Variants in CENPL observed in about 807,000 individuals in gnomAD.
The protein encoded by CENPL is centromere protein L.
In CENPL, 20 loss-of-function variants were observed where a neutral mutation model predicts 35.2. The observed-to-expected ratio is 0.57, with a 90% confidence interval of 0.40 to 0.83. The LOEUF (loss-of-function observed/expected upper bound fraction) is 0.83. CENPL is among the 40% of genes least tolerant of loss of function. The pLI is 0.00. For synonymous variants in CENPL, 140 were observed against 140.6 expected (o/e 1.00, Z 0.03); for missense variants, 363 against 395.8 (o/e 0.92, Z 0.70).
rs568977576 is a variant in CENPL at position 173,804,251 on chromosome 1, C to T, written c.421-746G>A. Among the ~76,000 whole-genome samples the T allele has an allele frequency of 6.6e-5, 10 of 152,348 alleles. No individual in the cohort carries two copies. The South Asian group carries it at 2.1e-3, about 32-fold the overall frequency. On this transcript the variant is annotated intron_variant, in intron 4 of 5. Coordinates refer to ENST00000682279, the MANE Select transcript of CENPL (RefSeq NM_001387287.1). ...CTACAGTTTCTACCCACTGGTCCTG[C>T]TTTCTTCCTTTTGGGCATGCAGAAT...
chr1:173,815,046 T>C (rs1651220828), intron 2 of CENPL, among the ~76,000 whole-genome samples: 1 of 152,180 alleles, frequency 6.6e-6, no homozygotes, highest in Non-Finnish European at 1.5e-5. Flanking sequence ...CATCAGAGAA[T>C]ACTATAAACA....
chr1:173,807,884 C>T (rs1229785128), intron 3 of CENPL, among the ~76,000 whole-genome samples: 2 of 152,150 alleles, frequency 1.3e-5, no homozygotes, highest in Non-Finnish European at 2.9e-5. Context: ...ACATTATATT[C>T]TTGTCTGCAA....
rs770921269 is a variant in CENPL, at chr1:173,807,328, A to T, written c.359T>A (p.Ile120Asn). 3 of 1,613,542 alleles carry T rather than the reference A, an allele frequency of 1.9e-6. No individual in the cohort carries two copies. Among genetic ancestry groups the T allele is most frequent in the Non-Finnish European group, 2.5e-6 (3 of 1,179,736 alleles). ...EVGEDFNIKV[I>N]FSTLLGMKGT... ...TTTCATTCCTAGGAGAGTAGAAAAA[A>T]TCACTTTGATGTTGAAGTCTTCTCC... The change falls in exon 4 of 6, where the codon ATT becomes AAT. Residue 120 changes from isoleucine to asparagine, a missense_variant. Transcript: ENST00000682279.
rs934383779 is a variant in CENPL, at chr1:173,807,611, A to G, written c.169-93T>C. Reference sequence around the variant, plus strand: ...TTAAAACATCTAATACAAATATATTATTGAGTACCTGATTTTTGCACTCCA... The same window carrying G: ...TTAAAACATCTAATACAAATATATTGTTGAGTACCTGATTTTTGCACTCCA... On this transcript the variant is annotated intron_variant, in intron 3 of 5. Transcript: ENST00000682279. The G allele has an allele frequency of 1.5e-5, 16 of 1,051,146 alleles. No homozygotes were observed. The East Asian group carries it at 1.8e-4, about 12-fold the overall frequency. 65.1% of individuals were successfully genotyped at this position (1,051,146 alleles called of 1,614,324 possible). A position where few individuals can be genotyped will look rare whatever the true frequency, so the allele number is the denominator to read the frequency against.
At chr1:173,800,586 T>A (rs1649652784) in intron 5 of CENPL, 67 bp from the exon 6 acceptor site, 2 of 654,528 alleles carry the variant, frequency 3.1e-6, no homozygotes, top group Non-Finnish European at 5.5e-6. Flanking sequence ...AGCAGATTGA[T>A]ATTTGAATAA....
intron 4 of CENPL, among the ~76,000 whole-genome samples, chr1:173,805,157 T>TC (rs1443838499): frequency 1.3e-5 from 2 of 152,228 alleles, no homozygotes; most frequent in African/African-American, 4.8e-5. Context: ...TCTCTGTGCA[T>TC]CAAGTGCTTC....
chr1:173,805,416 G>GTCA (rs1351545431), intron 4 of CENPL, among the ~76,000 whole-genome samples: 31 of 151,846 alleles, frequency 2.0e-4, no homozygotes, highest in Middle Eastern at 3.4e-3. Flanking sequence ...TTGGGGGGCT[G>GTCA]AGGAGGGAGG....
intron 2 of CENPL, among the ~76,000 whole-genome samples, chr1:173,814,627 G>C (rs915833454): frequency 6.6e-6 from 1 of 152,190 alleles, no homozygotes; most frequent in African/African-American, 2.4e-5. Context: ...GACGTTCTTT[G>C]AAACCAATGA....
chr1:173,817,666 A>G (rs1174049618), intron 2 of CENPL, among the ~76,000 whole-genome samples: 4 of 152,218 alleles, frequency 2.6e-5, no homozygotes, highest in East Asian at 1.9e-4. Context: ...TATATACCCA[A>G]AGGATTATAA....
At chr1:173,817,853 A>G (rs553191938) in intron 2 of CENPL, among the ~76,000 whole-genome samples, 21 of 152,338 alleles carry the variant, frequency 1.4e-4, no homozygotes, top group Non-Finnish European at 3.1e-4. Context: ...TATCCTTTGC[A>G]GGGACATGGA....
At chr1:173,811,949 G>A (rs1348047192) in intron 2 of CENPL, among the ~76,000 whole-genome samples, 1 of 152,212 alleles carries the variant, frequency 6.6e-6, no homozygotes, top group Non-Finnish European at 1.5e-5. Context: ...GGGAAAATGG[G>A]ACACTCCCAC....
chr1:173,816,606 G>A (rs1241989455), intron 2 of CENPL, among the ~76,000 whole-genome samples: 1 of 152,150 alleles, frequency 6.6e-6, no homozygotes, highest in African/African-American at 2.4e-5. Context: ...TTTAATAAAT[G>A]GTGCTGGGAA....
intron 4 of CENPL, 113 bp downstream of exon 4, chr1:173,807,154 C>A (rs1650305588): frequency 1.2e-6 from 1 of 853,538 alleles, no homozygotes; most frequent in Admixed American, 3.3e-5. Context: ...ACACAAACTA[C>A]CTATATATAT....
At chr1:173,814,293 G>C (rs375886356) in intron 2 of CENPL, among the ~76,000 whole-genome samples, 2 of 152,022 alleles carry the variant, frequency 1.3e-5, no homozygotes, top group African/African-American at 4.8e-5. Context: ...AGGTTAACAA[G>C]GATATCCAGG....
rs1649590240 is a variant in CENPL at position 173,799,786 on chromosome 1, T to G, written c.*662A>C. On this transcript the variant is annotated 3_prime_UTR_variant, in exon 6 of 6. Coordinates refer to ENST00000682279, the MANE Select transcript of CENPL (RefSeq NM_001387287.1). ...AGATTAAAGGTTTTAAAGACCCAAA[T>G]CAGAAATATCCATTAGATACATCTC... 1 of 152,232 alleles carries G rather than the reference T, an allele frequency of 6.6e-6. No homozygotes were observed. Among genetic ancestry groups the G allele is most frequent in the Non-Finnish European group, 1.5e-5 (1 of 68,040 alleles). 9.4% of individuals were successfully genotyped at this position (152,232 alleles called of 1,614,324 possible). A position where few individuals can be genotyped will look rare whatever the true frequency, so the allele number is the denominator to read the frequency against.
intron 2 of CENPL, among the ~76,000 whole-genome samples, chr1:173,818,276 T>C (rs1651613408): frequency 6.6e-6 from 1 of 152,160 alleles, no homozygotes; most frequent in African/African-American, 2.4e-5. Flanking sequence ...CTTCCAAAAA[T>C]AGCACTTTAT....
chr1:173,818,983 C>A (rs1235335018), intron 2 of CENPL, among the ~76,000 whole-genome samples: 3 of 152,118 alleles, frequency 2.0e-5, no homozygotes, highest in Non-Finnish European at 1.5e-5. Flanking sequence ...GACTGTAATC[C>A]CAACACTTTG....
rs774310854 is a variant in CENPL at position 173,803,292 on chromosome 1, C to T, written c.634G>A (p.Ala212Thr). 8 of 1,613,394 alleles carry T rather than the reference C, an allele frequency of 5.0e-6. No individual in the cohort carries two copies. In the Admixed American group the frequency reaches 5.0e-5, roughly 10 times the overall value. The change falls in exon 5 of 6, where the codon GCA becomes ACA. Residue 212 changes from alanine (A) to threonine (T), a missense_variant. Transcript: ENST00000682279. Reference protein sequence around the residue: ...KTFDCYFSPLAINAFNLSWMA... With the variant: ...KTFDCYFSPLTINAFNLSWMA... The stretch of plus-strand genomic sequence containing the variant: ...CAGGAAAGATTAAATGCATTGATTG[C>T]TAAAGGACTGAAATAACAGTCAAAG...
At position 173,800,432 on chromosome 1, in the gene CENPL, T is replaced by G. The variant is rs758510452; in HGVS notation, c.*16A>C. ...ATAAGAGTATATAATCTATAACTTA[T>G]AGTCCACATAAGGCTTCACTCAATT... On this transcript the variant is annotated 3_prime_UTR_variant, in exon 6 of 6. Transcript: ENST00000682279. The G allele has an allele frequency of 1.3e-5, 14 of 1,050,456 alleles. No individual in the cohort carries two copies. Among genetic ancestry groups the G allele is most frequent in the Middle Eastern group, 2.1e-4 (1 of 4,874 alleles). 65.1% of individuals were successfully genotyped at this position (1,050,456 alleles called of 1,614,324 possible).
Sources: allele counts gnomAD v4.1 joint callset (sites outside exome capture counted in the v4.1 genomes callset), GRCh38; gene constraint gnomAD v4.1.1; transcripts MANE v1.5; gene names NCBI Gene and HGNC (gene_info 2026-07-23, HGNC 2026-07-21).